Variants in ACACA observed in about 807,000 individuals in gnomAD.
ACACA encodes acetyl-CoA carboxylase 1.
A neutral mutation model predicts 296.1 loss-of-function variants in ACACA; 103 were observed. The ratio of observed to expected loss-of-function variants is 0.35; its 90% CI spans 0.30 to 0.41. The LOEUF is 0.41. ACACA is among the 10% of genes least tolerant of loss of function. ACACA has a pLI of 1.00. For missense variants in ACACA, 1,554 were observed against 2,989.7 expected, an observed-to-expected ratio of 0.52 and a Z score of 11.20; for synonymous variants, 953 against 1,038.6, an observed-to-expected ratio of 0.92 and a Z score of 1.58.
rs1162425599 is a variant in ACACA, at chr17:37,274,245, G to C, written c.956C>G (p.Pro319Arg). ...ATAACCTTTTTCATATAGCTCCTGG[G>C]GAACATTTAAGATACGTTTTGAAAA... ...NDFSKRILNV[P>R]QELYEKGYVK... is the part of the protein sequence containing the mutation. Residue 319 changes from proline to arginine, a missense_variant, in exon 9 of 56, where the codon CCC becomes CGC. By Grantham distance (103) the Pro-to-Arg change is moderately radical (BLOSUM62 -2). Coordinates refer to ENST00000616317, the MANE Select transcript of ACACA (RefSeq NM_198834.3). The C allele has an allele frequency of 1.2e-6, 2 of 1,613,960 alleles. No individual in the cohort carries two copies. Among genetic ancestry groups the C allele is most frequent in the Non-Finnish European group, 1.7e-6 (2 of 1,180,022 alleles).
intron 1 of ACACA, among the ~76,000 whole-genome samples, chr17:37,401,196 C>CTTTTT (rs1234610912): frequency 7.4e-6 from 1 of 134,356 alleles, no homozygotes; most frequent in African/African-American, 2.7e-5. Flanking sequence ...TTTTGTTTTT[C>CTTTTT]TTTTTTTTTT....
intron 3 of ACACA, among the ~76,000 whole-genome samples, chr17:37,308,400 A>T (rs2083981366): frequency 6.6e-6 from 1 of 152,182 alleles, no homozygotes; most frequent in Non-Finnish European, 1.5e-5. Flanking sequence ...AATTTCTACT[A>T]AGACTGATAA....
chr17:37,234,415 T>C (rs2080011299), intron 25 of ACACA, among the ~76,000 whole-genome samples: 1 of 152,182 alleles, frequency 6.6e-6, no homozygotes, highest in Admixed American at 6.5e-5. Context: ...TTCCTACTAA[T>C]TCTTATTTTA....
intron 3 of ACACA, among the ~76,000 whole-genome samples, chr17:37,312,715 A>G (rs1046302754): frequency 3.3e-5 from 5 of 152,196 alleles, no homozygotes; most frequent in African/African-American, 1.2e-4. Flanking sequence ...ACATAAAGTC[A>G]GTGATGGTGG....
chr17:37,376,255 C>A, intron 1 of ACACA: 1 of 929,592 alleles, frequency 1.1e-6, no homozygotes, highest in South Asian at 1.4e-5. Context: ...ATCCAGCAAG[C>A]AATACTTTCC....
intron 43 of ACACA, among the ~76,000 whole-genome samples, chr17:37,154,804 T>C (rs1295668624): frequency 6.6e-6 from 1 of 152,220 alleles, no homozygotes; most frequent in Non-Finnish European, 1.5e-5. Flanking sequence ...GCCAAGCAAT[T>C]AACATTCTTA....
intron 3 of ACACA, among the ~76,000 whole-genome samples, chr17:37,302,087 C>G (rs2083646085): frequency 6.6e-6 from 1 of 151,956 alleles, no homozygotes; most frequent in Non-Finnish European, 1.5e-5. Context: ...AAGCGATTCT[C>G]CTGCCTCAGC....
chr17:37,229,560 C>T (rs149389127), intron 25 of ACACA, among the ~76,000 whole-genome samples: 14,036 of 151,858 alleles, frequency 0.092, 1,008 homozygotes, highest in African/African-American at 0.2. Flanking sequence ...GCCTCGGCCT[C>T]CCAAAGTGCT....
chr17:37,387,196 C>G (rs1029949250), intron 1 of ACACA: 2 of 151,682 alleles, frequency 1.3e-5, no homozygotes, highest in African/African-American at 4.9e-5. Context: ...CTCAGCTCAC[C>G]ACAACCTCCC....
chr17:37,262,118 AG>A (rs1462984536), intron 11 of ACACA, among the ~76,000 whole-genome samples: 5 of 152,176 alleles, frequency 3.3e-5, no homozygotes, highest in African/African-American at 1.2e-4. Flanking sequence ...AAGGGATAAT[AG>A]GTAGCCAGAG....
chr17:37,398,281 C>CT (rs777127866), intron 1 of ACACA, among the ~76,000 whole-genome samples: 27,821 of 79,360 alleles, frequency 0.35, 6,233 homozygotes, highest in Non-Finnish European at 0.41. Flanking sequence ...TGTGGTATCA[C>CT]TTTTTTTTTT....
rs1472811459 is a variant in ACACA at position 37,248,079 on chromosome 17, A to G, written c.2241T>C (p.Ser747=). 2 of 1,614,012 alleles carry G rather than the reference A, an allele frequency of 1.2e-6. No homozygotes were observed. The highest frequency in any genetic ancestry group is 2.7e-5 in the African/African-American group (2 of 74,884). Residue 747 remains serine (S), a synonymous_variant, in exon 18 of 56, where the codon AGT becomes AGC. Transcript: ENST00000616317. ...SCVEVDVHRL[S]DGGLLLSYDG... ...CATAGGACAAGAGCAGTCCACCGTCACTCAGCCGATGTACATCTACTTCTA... is the reference window on the plus strand; with the variant it reads ...CATAGGACAAGAGCAGTCCACCGTCGCTCAGCCGATGTACATCTACTTCTA...
intron 45 of ACACA, among the ~76,000 whole-genome samples, chr17:37,148,134 T>G (rs1396683923): frequency 6.6e-6 from 1 of 151,534 alleles, no homozygotes; most frequent in Non-Finnish European, 1.5e-5. Context: ...ATTTTTAAAA[T>G]CTTTCAAAAA....
At chr17:37,182,286 G>C (rs11869869) in intron 39 of ACACA, among the ~76,000 whole-genome samples, 6,177 of 151,954 alleles carry the variant, frequency 0.041, 421 homozygotes, top group African/African-American at 0.14. Flanking sequence ...TAGCCCATGA[G>C]ACACAGCCTC....
At chr17:37,355,814 T>C (rs925460703) in intron 1 of ACACA, among the ~76,000 whole-genome samples, 5 of 151,210 alleles carry the variant, frequency 3.3e-5, no homozygotes, top group Admixed American at 6.6e-5. Context: ...ACCGAGATTG[T>C]ATCATTGCAC....
At chr17:37,211,704 G>C (rs1470951268) in intron 29 of ACACA, among the ~76,000 whole-genome samples, 1 of 152,198 alleles carries the variant, frequency 6.6e-6, no homozygotes, top group East Asian at 1.9e-4. Flanking sequence ...GAGCAGAATA[G>C]ACTGAGCAGG....
At chr17:37,091,442 G>A (rs1204641853) in intron 54 of ACACA, among the ~76,000 whole-genome samples, 1 of 152,192 alleles carries the variant, frequency 6.6e-6, no homozygotes, top group East Asian at 1.9e-4. Context: ...TGCATGTTTA[G>A]CAAAAATAAA....
At chr17:37,383,399 A>T (rs968286332) in intron 1 of ACACA, among the ~76,000 whole-genome samples, 2 of 152,222 alleles carry the variant, frequency 1.3e-5, no homozygotes, top group African/African-American at 4.8e-5. Flanking sequence ...TTCATAACAT[A>T]GTAGTTGGTT....
chr17:37,326,825 T>G (rs550781137), intron 3 of ACACA, among the ~76,000 whole-genome samples: 1 of 149,952 alleles, frequency 6.7e-6, no homozygotes, highest in South Asian at 2.1e-4. Flanking sequence ...CGAGTCTCCC[T>G]CTAAAAAAAA....
Sources: gnomAD v4.1 joint callset for allele counts (sites outside exome capture counted in the v4.1 genomes callset) on GRCh38, gnomAD v4.1.1 for gene constraint, MANE v1.5 for transcripts, NCBI Gene and HGNC (gene_info 2026-07-23, HGNC 2026-07-21) for gene names.